LPP: variants seen among roughly 807,000 people sequenced by gnomAD.
LPP encodes LIM domain containing preferred translocation partner in lipoma.
Under a neutral mutation model 60.4 loss-of-function variants are expected in LPP, and 38 were observed. The ratio of observed to expected loss-of-function variants is 0.63; its 90% CI spans 0.49 to 0.83. The LOEUF is 0.83. Ranked by LOEUF, LPP falls within the 40% of genes least tolerant of loss-of-function variation. LPP has a pLI of 0.00. For missense variants in LPP, 902 were observed against 783.6 expected, an observed-to-expected ratio of 1.15 and a Z score of -1.80; for synonymous variants, 328 against 290.8, an observed-to-expected ratio of 1.13 and a Z score of -1.30.
Position 188,609,071 on chromosome 3 carries a change from TATTAATA to T in LPP, c.430-89_430-83del, listed in dbSNP as rs1296037927. Reference sequence around the variant, plus strand: ...ATAGTAATAAATAATAATTAGCAGTTATTAATATTTTTCATTTATTCATTTTTATTGA... The same window carrying T: ...ATAGTAATAAATAATAATTAGCAGTTTTTTTCATTTATTCATTTTTATTGA... On this transcript the variant is annotated intron_variant, in intron 6 of 11. Transcript: ENST00000617246. The surrounding 1 kb of genome is among the most constrained non-coding windows in gnomAD (Gnocchi z 6.9). The T allele has an allele frequency of 1.0e-4, 95 of 926,012 alleles. No individual in the cohort carries two copies. The highest frequency in any genetic ancestry group is 1.4e-4 in the Non-Finnish European group (86 of 610,676). The allele number at this position is 926,012 out of a possible 1,614,324, so 57.4% of individuals were successfully genotyped here.
chr3:188,824,123 C>A (rs1338125643), intron 9 of LPP, among the ~76,000 whole-genome samples: 1 of 152,128 alleles, frequency 6.6e-6, no homozygotes, highest in African/African-American at 2.4e-5. Flanking sequence ...CTACTGTATA[C>A]TAGTAGTGTG....
intron 5 of LPP, among the ~76,000 whole-genome samples, chr3:188,511,801 G>C (rs1409471434): frequency 6.6e-6 from 1 of 152,140 alleles, no homozygotes; most frequent in Admixed American, 6.5e-5. Flanking sequence ...GCACTTCTCT[G>C]TGATAATGGC....
chr3:188,603,984 AATG>A (rs1245463703), intron 6 of LPP, among the ~76,000 whole-genome samples: 2 of 152,188 alleles, frequency 1.3e-5, no homozygotes, highest in African/African-American at 4.8e-5. Flanking sequence ...CTGAAATTAA[AATG>A]TAATAAAATG....
intron 9 of LPP, among the ~76,000 whole-genome samples, chr3:188,812,551 C>T (rs1751300459): frequency 6.6e-6 from 1 of 152,080 alleles, no homozygotes; most frequent in African/African-American, 2.4e-5. Flanking sequence ...TTATCTTTCC[C>T]CTTCTCTTGT....
At position 188,278,237 on chromosome 3, in the gene LPP, A is replaced by G. The variant is rs185931163; in HGVS notation, c.-67+52710A>G. On this transcript the variant is annotated intron_variant, in intron 2 of 11. Coordinates refer to ENST00000617246, the MANE Select transcript of LPP (RefSeq NM_001375462.1). ...TATGTAGCTTACCCAATGTGGCACA[A>G]CTTGTAATGGCAGGGTCAGACTTAG... Among the ~76,000 whole-genome samples the G allele has an allele frequency of 5.9e-5, 9 of 152,322 alleles. 1 individual carries two copies. The highest frequency in any genetic ancestry group is 1.9e-4 in the East Asian group (1 of 5,182).
intron 9 of LPP, among the ~76,000 whole-genome samples, chr3:188,791,649 T>A (rs1415136310): frequency 6.6e-6 from 1 of 152,106 alleles, no homozygotes; most frequent in African/African-American, 2.4e-5. Flanking sequence ...TTGTGTGTGA[T>A]CTTTCTGTAC....
chr3:188,159,103 T>C (rs1329202510), intron 1 of LPP, among the ~76,000 whole-genome samples: 2 of 152,188 alleles, frequency 1.3e-5, no homozygotes, highest in African/African-American at 2.4e-5. Flanking sequence ...GAATGTGATT[T>C]ATTCTTGTAG....
At chr3:188,806,665 T>C (rs1749238890) in intron 9 of LPP, among the ~76,000 whole-genome samples, 1 of 151,950 alleles carries the variant, frequency 6.6e-6, no homozygotes, top group Admixed American at 6.6e-5. Context: ...CCATCTCATT[T>C]ACACTATTTG....
intron 9 of LPP, among the ~76,000 whole-genome samples, chr3:188,797,306 C>T (rs1745675158): frequency 6.6e-6 from 1 of 152,130 alleles, no homozygotes; most frequent in Non-Finnish European, 1.5e-5. Flanking sequence ...CTTCCTAAGT[C>T]TGTTACTTCA....
At chr3:188,240,948 T>A (rs1724389728) in intron 2 of LPP, among the ~76,000 whole-genome samples, 1 of 152,356 alleles carries the variant, frequency 6.6e-6, no homozygotes, top group African/African-American at 2.4e-5. Context: ...TATATGTCCT[T>A]AACTATATGA....
rs184532051 is a variant in LPP at position 188,844,257 on chromosome 3, G to C, written c.1411-21943G>C. Among the ~76,000 whole-genome samples, 9 of 152,286 alleles carry C rather than the reference G, an allele frequency of 5.9e-5. No individual in the cohort carries two copies. The East Asian group carries it at 1.7e-3, about 29-fold the overall frequency. Reference sequence around the variant, plus strand: ...TATAATCTAAGTTTAGGCAGAGATAGTGAAAGTGCTGGCCTGCCTGTATTT... The same window carrying C: ...TATAATCTAAGTTTAGGCAGAGATACTGAAAGTGCTGGCCTGCCTGTATTT... On this transcript the variant is annotated intron_variant, in intron 9 of 11. Transcript: ENST00000617246.
intron 6 of LPP, among the ~76,000 whole-genome samples, chr3:188,586,495 A>G (rs1373648774): frequency 6.6e-6 from 1 of 152,172 alleles, no homozygotes; most frequent in Non-Finnish European, 1.5e-5. Context: ...AAGTACATGT[A>G]AGACAACTTG....
intron 10 of LPP, among the ~76,000 whole-genome samples, chr3:188,868,718 C>CCT (rs1767307252): frequency 6.6e-6 from 1 of 152,194 alleles, no homozygotes; most frequent in African/African-American, 2.4e-5. Context: ...AAGGGATATT[C>CCT]CTCCTCCAGA....
In LPP at chr3:188,290,593, C is replaced by T. The variant is rs879283923; in HGVS notation, c.-66-51070C>T. Among the ~76,000 whole-genome samples, 11 of 151,780 alleles carry T rather than the reference C, an allele frequency of 7.2e-5. 1 individual carries two copies. The highest frequency in any genetic ancestry group is 6.8e-3 in the Middle Eastern group (2 of 294). Reference sequence around the variant, plus strand: ...AATAGTTTAGGACTGTTCATGTTCCCGGCCTCTTCACTCCAAGAGCATCAG... The same window carrying T: ...AATAGTTTAGGACTGTTCATGTTCCTGGCCTCTTCACTCCAAGAGCATCAG... On this transcript the variant is annotated intron_variant, in intron 2 of 11. Transcript: ENST00000617246.
At chr3:188,679,897 G>A (rs1409637938) in intron 7 of LPP, among the ~76,000 whole-genome samples, 1 of 152,052 alleles carries the variant, frequency 6.6e-6, no homozygotes, top group Non-Finnish European at 1.5e-5. Flanking sequence ...CCCCCAGGCT[G>A]TCAGCGGCCA....
At chr3:188,707,819 G>A (rs1159592739) in intron 7 of LPP, among the ~76,000 whole-genome samples, 1 of 151,994 alleles carries the variant, frequency 6.6e-6, no homozygotes, top group Non-Finnish European at 1.5e-5. Flanking sequence ...CTCTCTTCAG[G>A]AAGTCCGTCG....
rs1158606459 is a variant in LPP at position 188,371,641 on chromosome 3, A to ATTTTT, written c.-10+29948_-10+29952dup. On this transcript the variant is annotated intron_variant, in intron 3 of 11. Transcript: ENST00000617246. Reference sequence around the variant, plus strand: ...AATATATATATATATATATATATATATTTTTTTTTTTTTTTTTTTTTTTTT... The same window carrying ATTTTT: ...AATATATATATATATATATATATATATTTTTTTTTTTTTTTTTTTTTTTTTTTTTT... 1.3e-3 allele frequency among the ~76,000 whole-genome samples: 42 copies of ATTTTT among 32,172 alleles called. 8 individuals are homozygous for ATTTTT. The highest frequency in any genetic ancestry group is 1.9e-3 in the African/African-American group (15 of 8,100). The allele number at this position is 32,172 out of a possible 152,430, so 21.1% of individuals were successfully genotyped here. A position where few individuals can be genotyped will look rare whatever the true frequency, so the allele number is the denominator to read the frequency against.
At chr3:188,798,250 T>C (rs1745975467) in intron 9 of LPP, among the ~76,000 whole-genome samples, 1 of 152,166 alleles carries the variant, frequency 6.6e-6, no homozygotes, top group Admixed American at 6.5e-5. Flanking sequence ...AAACTTAGAT[T>C]TACTAATTAG....
At chr3:188,407,079 T>TAA (rs5855193) in intron 4 of LPP, among the ~76,000 whole-genome samples, 8 of 143,576 alleles carry the variant, frequency 5.6e-5, no homozygotes, top group African/African-American at 7.6e-5. Context: ...TAACTTAAAA[T>TAA]AAAAAAAAAA....
Sources: allele counts gnomAD v4.1 joint callset (sites outside exome capture counted in the v4.1 genomes callset), GRCh38; gene constraint gnomAD v4.1.1; non-coding constraint Gnocchi (gnomAD v3.1); transcripts MANE v1.5; gene names NCBI Gene and HGNC (gene_info 2026-07-23, HGNC 2026-07-21).